Variants in CA10 observed in about 807,000 individuals in gnomAD.
CA10 encodes carbonic anhydrase 10 (inactive).
A neutral mutation model predicts 44.2 loss-of-function variants in CA10; 14 were observed. The ratio of observed to expected loss-of-function variants is 0.32; its 90% CI spans 0.21 to 0.50. The LOEUF (loss-of-function observed/expected upper bound fraction) is 0.50, where lower values mean the gene tolerates loss of function less well. Among genes scored for constraint, CA10 ranks in the 20% least tolerant of loss-of-function variants. The pLI is 0.99. For missense variants in CA10, 350 were observed against 409.7 expected (o/e 0.85, Z 1.26); for synonymous variants, 159 against 141.6 (o/e 1.12, Z -0.87).
intron 1 of CA10, among the ~76,000 whole-genome samples, chr17:52,110,971 T>C (rs1259576014): frequency 6.6e-6 from 1 of 152,204 alleles, no homozygotes; most frequent in African/African-American, 2.4e-5. Flanking sequence ...ATTTGTATCA[T>C]TCTATGTCCA....
intron 4 of CA10, among the ~76,000 whole-genome samples, chr17:51,730,887 A>G (rs1463903009): frequency 2.2e-5 from 3 of 134,480 alleles, no homozygotes; most frequent in Non-Finnish European, 3.2e-5. Flanking sequence ...TGTTAAAAAG[A>G]TAAGTCAACA....
intron 3 of CA10, among the ~76,000 whole-genome samples, chr17:51,849,487 G>A (rs752972908): frequency 1.5e-4 from 23 of 151,396 alleles, no homozygotes; most frequent in Non-Finnish European, 2.5e-4. Flanking sequence ...TTGGTGCAAC[G>A]GAAAGATCTG....
chr17:51,902,012 C>T (rs1296121002), intron 3 of CA10, among the ~76,000 whole-genome samples: 1 of 152,128 alleles, frequency 6.6e-6, no homozygotes. Context: ...GTACTAATAG[C>T]TGCTGGTTCT....
intron 3 of CA10, among the ~76,000 whole-genome samples, chr17:51,882,947 G>A (rs1160332799): frequency 2.7e-4 from 41 of 152,068 alleles, no homozygotes; most frequent in Admixed American, 2.7e-3. Flanking sequence ...TATAATCCTG[G>A]CTGGGTACAT....
At chr17:52,124,995 C>G (rs1989089141) in intron 1 of CA10, among the ~76,000 whole-genome samples, 1 of 152,214 alleles carries the variant, frequency 6.6e-6, no homozygotes, top group African/African-American at 2.4e-5. Flanking sequence ...GCTATTATCT[C>G]TCCATAATGA....
chr17:51,686,388 C>G (rs533313166), intron 4 of CA10, among the ~76,000 whole-genome samples: 4 of 152,262 alleles, frequency 2.6e-5, no homozygotes, highest in Non-Finnish European at 5.9e-5. Flanking sequence ...TCTTCTTCAG[C>G]CTCACTATCT....
At chr17:51,776,282 GGA>G (rs1339538820) in intron 3 of CA10, among the ~76,000 whole-genome samples, 1 of 152,166 alleles carries the variant, frequency 6.6e-6, no homozygotes, top group Non-Finnish European at 1.5e-5. Context: ...GGCTGAGGCA[GGA>G]GAATCGCTTG....
intron 3 of CA10, among the ~76,000 whole-genome samples, chr17:51,861,013 C>A (rs903686719): frequency 1.3e-5 from 2 of 152,158 alleles, no homozygotes; most frequent in Non-Finnish European, 2.9e-5. Context: ...ACCTTCCATG[C>A]CATTTATGAA....
chr17:52,119,245 C>A (rs1318397244), intron 1 of CA10, among the ~76,000 whole-genome samples: 1 of 150,954 alleles, frequency 6.6e-6, no homozygotes, highest in African/African-American at 2.4e-5. Flanking sequence ...TGGCAGTATT[C>A]ATGACTTATG....
chr17:51,675,672 C>T (rs564950581), intron 4 of CA10, among the ~76,000 whole-genome samples: 13 of 151,614 alleles, frequency 8.6e-5, no homozygotes, highest in South Asian at 4.2e-4. Flanking sequence ...GCCTAGATTG[C>T]GCCACTGTAC....
chr17:51,676,647 C>T (rs139957367), intron 4 of CA10, among the ~76,000 whole-genome samples: 23 of 152,272 alleles, frequency 1.5e-4, no homozygotes, highest in Non-Finnish European at 2.2e-4. Context: ...GCAAAGTGAG[C>T]GTCAGATACT....
intron 2 of CA10, among the ~76,000 whole-genome samples, chr17:51,935,161 G>A (rs895621595): frequency 9.2e-5 from 14 of 152,136 alleles, no homozygotes; most frequent in African/African-American, 3.1e-4. Context: ...ATAGACACCC[G>A]TGTCACCTTT....
chr17:52,080,986 G>A (rs938683276), intron 1 of CA10, among the ~76,000 whole-genome samples: 1 of 152,118 alleles, frequency 6.6e-6, no homozygotes, highest in Non-Finnish European at 1.5e-5. Flanking sequence ...TGTTTTCCAT[G>A]AAGTTATTAG....
At chr17:51,820,407 C>CG (rs1171768241) in intron 3 of CA10, among the ~76,000 whole-genome samples, 2 of 14,624 alleles carry the variant, frequency 1.4e-4, no homozygotes, top group Non-Finnish European at 3.3e-4. Context: ...ATTCCCCTAC[C>CG]CCCCCCCCCC....
At chr17:51,978,382 ATGTGTGTG>A (rs56108471) in intron 2 of CA10, among the ~76,000 whole-genome samples, 14 of 142,098 alleles carry the variant, frequency 9.9e-5, no homozygotes, top group African/African-American at 3.1e-4. Context: ...GTGTGTCTGT[ATGTGTGTG>A]TGTGTGTGTG....
At chr17:51,926,294 A>AT (rs1452418412) in intron 3 of CA10, among the ~76,000 whole-genome samples, 1 of 152,162 alleles carries the variant, frequency 6.6e-6, no homozygotes, top group Admixed American at 6.6e-5. Context: ...GATTAGATTC[A>AT]TTTTTATTGT....
intron 3 of CA10, among the ~76,000 whole-genome samples, chr17:51,869,508 A>C (rs1372706747): frequency 1.3e-5 from 2 of 152,344 alleles, no homozygotes; most frequent in East Asian, 3.9e-4. Flanking sequence ...TAAACTTAAC[A>C]GGAGTCTCCC....
intron 3 of CA10, among the ~76,000 whole-genome samples, chr17:51,855,374 C>G (rs1487158689): frequency 2.6e-5 from 4 of 152,152 alleles, no homozygotes; most frequent in Non-Finnish European, 5.9e-5. Context: ...ATGCACCATC[C>G]TTTTAAGAAA....
intron 1 of CA10, among the ~76,000 whole-genome samples, chr17:52,126,754 C>T (rs1183970962): frequency 6.6e-6 from 1 of 152,080 alleles, no homozygotes; most frequent in Non-Finnish European, 1.5e-5. Context: ...TAAATCATTA[C>T]CCATGAAACT....
Sources: gnomAD v4.1 joint callset for allele counts (sites outside exome capture counted in the v4.1 genomes callset) on GRCh38, gnomAD v4.1.1 for gene constraint, MANE v1.5 for transcripts, NCBI Gene and HGNC (gene_info 2026-07-23, HGNC 2026-07-21) for gene names.